DLGAP1: variants seen among roughly 807,000 people sequenced by gnomAD.
DLGAP1 encodes the protein disks large-associated protein 1.
In DLGAP1, 11 loss-of-function variants were observed where a neutral mutation model predicts 90.8. That is an observed-to-expected ratio of 0.12 (90% CI 0.08 to 0.20). The LOEUF is 0.20. Among genes scored for constraint, DLGAP1 ranks in the 10% least tolerant of loss-of-function variants. The probability of loss-of-function intolerance (pLI) is 1.00; values close to 1 mark genes in which losing one functional copy is unlikely to be tolerated. For synonymous variants in DLGAP1, 558 were observed against 540.7 expected, an observed-to-expected ratio of 1.03 and a Z score of -0.44; for missense variants, 1,050 against 1,333.8, an observed-to-expected ratio of 0.79 and a Z score of 3.31.
intron 11 of DLGAP1, among the ~76,000 whole-genome samples, chr18:3,503,581 T>C (rs1380101592): frequency 6.6e-6 from 1 of 152,226 alleles, no homozygotes; most frequent in Non-Finnish European, 1.5e-5. Context: ...TCCTAGCTGG[T>C]ATCTGTTTTG....
intron 3 of DLGAP1, chr18:3,896,001 T>G (rs747415204): frequency 1.1e-4 from 16 of 152,214 alleles, no homozygotes; most frequent in Admixed American, 7.9e-4. Context: ...ACAACGCCAC[T>G]CGGTAAGCTA....
At chr18:3,947,366 C>A (rs950655194) in intron 3 of DLGAP1, among the ~76,000 whole-genome samples, 2 of 152,174 alleles carry the variant, frequency 1.3e-5, no homozygotes, top group African/African-American at 4.8e-5. Flanking sequence ...CCTTGTCTGG[C>A]TTATCTCTTC....
At chr18:3,773,880 A>G (rs1247514817) in intron 5 of DLGAP1, among the ~76,000 whole-genome samples, 2 of 152,340 alleles carry the variant, frequency 1.3e-5, no homozygotes, top group East Asian at 3.9e-4. Flanking sequence ...AGAAGTATTC[A>G]ATTGCCAAGT....
intron 1 of DLGAP1, among the ~76,000 whole-genome samples, chr18:4,324,560 A>C (rs1399658294): frequency 6.6e-6 from 1 of 152,002 alleles, no homozygotes; most frequent in Non-Finnish European, 1.5e-5. Context: ...CAGAGACACA[A>C]CAACAACAAA....
At chr18:4,089,988 T>G (rs9973050) in intron 2 of DLGAP1, among the ~76,000 whole-genome samples, 32 of 152,124 alleles carry the variant, frequency 2.1e-4, no homozygotes, top group African/African-American at 7.7e-4. Flanking sequence ...GAGTTTGCAG[T>G]GAGCCAAGAT....
chr18:3,648,865 G>A (rs769591975), intron 7 of DLGAP1, among the ~76,000 whole-genome samples: 2 of 152,332 alleles, frequency 1.3e-5, no homozygotes, highest in East Asian at 3.9e-4. Context: ...CCTTTGATTT[G>A]TAAATGCCTA....
intron 10 of DLGAP1, among the ~76,000 whole-genome samples, chr18:3,523,687 A>G (rs1001551310): frequency 1.3e-5 from 2 of 152,038 alleles, no homozygotes; most frequent in African/African-American, 2.4e-5. Flanking sequence ...CTCTACTAAA[A>G]ATACAAAAAA....
intron 2 of DLGAP1, among the ~76,000 whole-genome samples, chr18:4,065,070 A>G (rs1198028598): frequency 6.6e-6 from 1 of 152,168 alleles, no homozygotes; most frequent in East Asian, 1.9e-4. Context: ...AGAACTAAAG[A>G]CAAAAACCAC....
At chr18:4,379,261 G>C (rs2082072007) in intron 1 of DLGAP1, among the ~76,000 whole-genome samples, 1 of 152,168 alleles carries the variant, frequency 6.6e-6, no homozygotes, top group Non-Finnish European at 1.5e-5. Context: ...AAGAAGAGTA[G>C]AGGAGATGGG....
chr18:4,210,896 T>G (rs2077827141), intron 1 of DLGAP1, among the ~76,000 whole-genome samples: 1 of 152,198 alleles, frequency 6.6e-6, no homozygotes, highest in Non-Finnish European at 1.5e-5. Context: ...CAGGAGAGGT[T>G]CAGTGACATT....
intron 5 of DLGAP1, among the ~76,000 whole-genome samples, chr18:3,768,545 A>G (rs2064363645): frequency 6.6e-6 from 1 of 152,214 alleles, no homozygotes; most frequent in Admixed American, 6.5e-5. Context: ...ATTCAAAGAC[A>G]TACTCTATGG....
chr18:3,924,283 TG>T (rs2072332787), intron 3 of DLGAP1, among the ~76,000 whole-genome samples: 1 of 152,112 alleles, frequency 6.6e-6, no homozygotes, highest in African/African-American at 2.4e-5. Flanking sequence ...TGGAAAACCA[TG>T]GGGAAATATA....
At chr18:4,278,537 C>T (rs1011680040) in intron 1 of DLGAP1, among the ~76,000 whole-genome samples, 6 of 152,120 alleles carry the variant, frequency 3.9e-5, no homozygotes, top group African/African-American at 1.4e-4. Flanking sequence ...CAGGCAGTAT[C>T]TGACTTTCTG....
At chr18:4,274,476 A>G (rs999165963) in intron 1 of DLGAP1, among the ~76,000 whole-genome samples, 1 of 152,222 alleles carries the variant, frequency 6.6e-6, no homozygotes, top group East Asian at 1.9e-4. Context: ...CACTTTGGAC[A>G]GTCGAGAATT....
intron 5 of DLGAP1, among the ~76,000 whole-genome samples, chr18:3,787,326 C>T (rs1488070098): frequency 1.3e-5 from 2 of 151,538 alleles, no homozygotes; most frequent in Non-Finnish European, 2.9e-5. Context: ...TACTAAAATA[C>T]AAAACTTAGC....
At chr18:3,845,483 T>C (rs2068955521) in intron 4 of DLGAP1, 3 of 1,294,488 alleles carry the variant, frequency 2.3e-6, no homozygotes, top group Non-Finnish European at 2.9e-6. Flanking sequence ...AATAAAACCC[T>C]ATAGCTGAAG....
intron 3 of DLGAP1, among the ~76,000 whole-genome samples, chr18:3,928,192 G>A (rs1341001796): frequency 1.3e-5 from 2 of 152,156 alleles, no homozygotes; most frequent in Non-Finnish European, 2.9e-5. Flanking sequence ...TAATGCTCAA[G>A]ACATTTGTTG....
At chr18:4,068,726 G>A (rs1000120380) in intron 2 of DLGAP1, among the ~76,000 whole-genome samples, 4 of 152,248 alleles carry the variant, frequency 2.6e-5, no homozygotes, top group Admixed American at 1.3e-4. Flanking sequence ...TAGGTTAGCC[G>A]GTTCTTGCTC....
chr18:3,802,565 T>C (rs2066358410), intron 5 of DLGAP1, among the ~76,000 whole-genome samples: 1 of 152,242 alleles, frequency 6.6e-6, no homozygotes, highest in Non-Finnish European at 1.5e-5. Context: ...CCTTTCTCTT[T>C]CATGAAGTCA....
Sources: allele counts gnomAD v4.1 joint callset (sites outside exome capture counted in the v4.1 genomes callset), GRCh38; gene constraint gnomAD v4.1.1; transcripts MANE v1.5; gene names NCBI Gene and HGNC (gene_info 2026-07-23, HGNC 2026-07-21).